PLXNB1: variants seen among roughly 807,000 people sequenced by gnomAD.
The protein encoded by PLXNB1 is plexin-B1.
Under a neutral mutation model 209.4 loss-of-function variants are expected in PLXNB1, and 106 were observed. The ratio of observed to expected loss-of-function variants is 0.51; its 90% CI spans 0.43 to 0.59. The LOEUF is 0.59. Ranked by LOEUF, PLXNB1 falls within the 20% of genes least tolerant of loss-of-function variation. The pLI is 0.00. For missense variants in PLXNB1, 2,357 were observed against 2,853.2 expected (o/e 0.83, Z 3.96); for synonymous variants, 1,167 against 1,183.2 (o/e 0.99, Z 0.28).
chr3:48,404,123 CT>C lies in PLXNB1; in HGVS notation c.*362del. The C allele has an allele frequency of 4.8e-6, 1 of 207,902 alleles. No individual in the cohort carries two copies. The allele number at this position is 207,902 out of a possible 1,614,324, so 12.9% of individuals were successfully genotyped here. ...AGACAGGAAGCATGGGGCTCTCCTC[CT>C]TCCTCTCCGAATCCCAGTGTGGCCA... On this transcript the variant is annotated 3_prime_UTR_variant, in exon 38 of 38. Transcript: ENST00000296440.
intron 9 of PLXNB1, 29 bp from the exon 10 acceptor site, chr3:48,420,802 G>A (rs758517981): frequency 8.7e-6 from 14 of 1,612,424 alleles, no homozygotes; most frequent in African/African-American, 1.3e-5. Flanking sequence ...TGGGGCAAGG[G>A]TCGCCACAGG....
Position 48,410,116 on chromosome 3 carries a change from G to T in PLXNB1, c.5606-39C>A, listed in dbSNP as rs1313405150. ...CCACAGCTGTCACCCCTCCCCAGGT[G>T]CCACCTCCCCAGGCCCCCTGTTTCT... is the stretch of plus-strand genomic sequence containing the variant. On this transcript the variant is annotated intron_variant, in intron 31 of 37. Coordinates refer to ENST00000296440, the MANE Select transcript of PLXNB1 (RefSeq NM_001130082.3). This position sits in a 1 kb window ranked among gnomAD's most constrained non-coding sequence, Gnocchi z 6.4. The T allele has an allele frequency of 2.6e-6, 4 of 1,541,940 alleles. No homozygotes were observed. In the South Asian group the frequency reaches 4.9e-5, roughly 19 times the overall value.
At position 48,412,807 on chromosome 3, in the gene PLXNB1, G is replaced by C; in HGVS notation, c.4789C>G (p.Pro1597Ala). 6.2e-6 allele frequency: 10 copies of C among 1,613,642 alleles called. No individual in the cohort carries two copies. Among genetic ancestry groups the C allele is most frequent in the Non-Finnish European group, 7.6e-6 (9 of 1,180,024 alleles). The change falls in exon 25 of 38, where the codon CCC becomes GCC. Residue 1597 changes from proline to alanine, a missense_variant. Coordinates refer to ENST00000296440, the MANE Select transcript of PLXNB1 (RefSeq NM_001130082.3). ...RDLGVPESRR[P>A]TVEQGLGQLS... ...TGCCCCAGCCCTTGCTCCACAGTGGGCCGTCTGCTCTCAGGCACACCCAGG... is the reference window on the plus strand; with the variant it reads ...TGCCCCAGCCCTTGCTCCACAGTGGCCCGTCTGCTCTCAGGCACACCCAGG...
rs1434412512 is a variant in PLXNB1, at chr3:48,423,933, T to C, written c.679A>G (p.Ser227Gly). The C allele has an allele frequency of 2.5e-6, 4 of 1,614,128 alleles. No homozygotes were observed. The highest frequency in any genetic ancestry group is 2.5e-6 in the Non-Finnish European group (3 of 1,180,022). Reference sequence around the variant, plus strand: ...CGCCGCAGGAACAGGAAGTAGGCGCTGGCCCCACGTGCAAAGGCACTCACG... The same window carrying C: ...CGCCGCAGGAACAGGAAGTAGGCGCCGGCCCCACGTGCAAAGGCACTCACG... Reference protein sequence around the residue: ...HFVSAFARGASAYFLFLRRDL... With the variant: ...HFVSAFARGAGAYFLFLRRDL... Residue 227 changes from serine (S) to glycine (G), a missense_variant, in exon 3 of 38, where the codon AGC becomes GGC. By Grantham distance (56) the Ser-to-Gly change is moderately conservative. Transcript: ENST00000296440.
Position 48,415,339 on chromosome 3 carries a change from C to T in PLXNB1, c.3803G>A (p.Arg1268His), listed in dbSNP as rs1417151654. Residue 1268 changes from arginine to histidine, a missense_variant, in exon 20 of 38, where the codon CGT (arginine) becomes CAT (histidine). Arg to His is a conservative substitution (Grantham distance 29, BLOSUM62 0). Transcript: ENST00000296440. The surrounding 1 kb of genome is among the most constrained non-coding windows in gnomAD (Gnocchi z 5.0). ...GPTKSFLSGG[R>H]EICVRGQNLD... is the part of the protein sequence containing the mutation. ...ATTCTGGCCACGGACGCATATCTCA[C>T]GTCCTCCACTGAAACAGACCGTGAG... The T allele has an allele frequency of 6.2e-7, 1 of 1,613,274 alleles. No homozygotes were observed. Among genetic ancestry groups the T allele is most frequent in the Non-Finnish European group, 8.5e-7 (1 of 1,179,826 alleles).
In PLXNB1 at chr3:48,412,885, A is replaced by G; in HGVS notation, c.4711T>C (p.Tyr1571His). The G allele has an allele frequency of 6.2e-7, 1 of 1,613,950 alleles. No individual in the cohort carries two copies. Among genetic ancestry groups the G allele is most frequent in the Non-Finnish European group, 8.5e-7 (1 of 1,180,010 alleles). The change falls in exon 25 of 38, where the codon TAT (tyrosine) becomes CAT (histidine). Residue 1571 changes from tyrosine to histidine, a missense_variant. This residue lies in a region of PLXNB1 where 743 missense variants were observed against 896.2 expected (regional missense o/e 0.83). Transcript: ENST00000296440. ...CCAGGGAAGAAGATCCTCTCCGCAT[A>G]CACCTTGTAGTCGAGGAAGGGGATG... ...SGIPFLDYKV[Y>H]AERIFFPGHR...
Position 48,413,380 on chromosome 3 carries a change from C to T in PLXNB1, c.4536-211G>A, listed in dbSNP as rs1355700604. On this transcript the variant is annotated intron_variant, in intron 23 of 37. Coordinates refer to ENST00000296440, the MANE Select transcript of PLXNB1 (RefSeq NM_001130082.3). The surrounding 1 kb of genome is among the most constrained non-coding windows in gnomAD (Gnocchi z 5.4). The stretch of plus-strand genomic sequence containing the variant: ...CCCGTCTAGCCCAGCACAGTTTAGC[C>T]TAGAGATCAGCCAACCACAACCAGG... The T allele has an allele frequency of 6.6e-6, 4 of 607,540 alleles. No homozygotes were observed. In the African/African-American group the frequency reaches 7.4e-5, roughly 11 times the overall value. The allele number at this position is 607,540 out of a possible 1,614,324, so 37.6% of individuals were successfully genotyped here.
Position 48,422,104 on chromosome 3 carries a change from C to T in PLXNB1, c.1520+1G>A. ...GGCTGGGATGGGGTCAGAAATCTGA[C>T]CTGCCAAGGAGCACGCACCACCCAC... On this transcript the variant is annotated splice_donor_variant, in intron 6 of 37. Transcript: ENST00000296440. LOFTEE classifies it high-confidence loss of function. 6.2e-7 allele frequency: 1 copy of T among 1,613,122 alleles called. No homozygotes were observed. Among genetic ancestry groups the T allele is most frequent in the Non-Finnish European group, 8.5e-7 (1 of 1,179,166 alleles).
rs1485832007 is a variant in PLXNB1, at chr3:48,424,150, C to A, written c.462G>T (p.Gly154=). ...CCCCTGCCAAGCCCTGGGCTACCAG[C>A]CCCACCGTGCTGACCGCAGGATCAT... The part of the protein sequence containing the change: ...AANDPAVSTV[G]LVAQGLAGEP... Residue 154 remains glycine (G), a synonymous_variant, in exon 3 of 38, where the codon GGG becomes GGT. Coordinates refer to ENST00000296440, the MANE Select transcript of PLXNB1 (RefSeq NM_001130082.3). 2 of 1,567,436 alleles carry A rather than the reference C, an allele frequency of 1.3e-6. No individual in the cohort carries two copies. The highest frequency in any genetic ancestry group is 1.2e-5 in the South Asian group (1 of 85,004).
chr3:48,430,183 T>G (rs1360549737), upstream of PLXNB1: 1 of 152,366 alleles, frequency 6.6e-6, no homozygotes, highest in Non-Finnish European at 1.5e-5. Flanking sequence ...AACTAAACCA[T>G]GTAACCTGAC....
Position 48,412,372 on chromosome 3 carries a change from C to G in PLXNB1, c.5034-68G>C, listed in dbSNP as rs530674791. ...GCTGCGGGCCTCTCTATCCTGCAGA[C>G]CCCCCAGCCCGAGGCCCCACCCCAG... On this transcript the variant is annotated intron_variant, in intron 26 of 37. Transcript: ENST00000296440. 8 of 1,608,580 alleles carry G rather than the reference C, an allele frequency of 5.0e-6. No homozygotes were observed. In the Admixed American group the frequency reaches 8.3e-5, roughly 17 times the overall value.
At position 48,417,813 on chromosome 3, in the gene PLXNB1, G is replaced by A. The variant is rs1297807701; in HGVS notation, c.3374+98C>T. The A allele has an allele frequency of 1.5e-5, 19 of 1,272,816 alleles. No homozygotes were observed. The highest frequency in any genetic ancestry group is 1.0e-4 in the African/African-American group (7 of 67,702). 78.8% of individuals were successfully genotyped at this position (1,272,816 alleles called of 1,614,324 possible). A position where few individuals can be genotyped will look rare whatever the true frequency, so the allele number is the denominator to read the frequency against. On this transcript the variant is annotated intron_variant, in intron 16 of 37. Transcript: ENST00000296440. This position sits in a 1 kb window ranked among gnomAD's most constrained non-coding sequence, Gnocchi z 4.4. ...GCCAGGATCAAGGAACAGGGAGAGA[G>A]GGGGGCAGATGAGCGGTGGGTGGGA...
rs1415521174 is a variant in PLXNB1, at chr3:48,423,541, C to T, written c.1071G>A (p.Glu357=). Residue 357 remains glutamate, a synonymous_variant, in exon 3 of 38, where the codon GAG becomes GAA. Coordinates refer to ENST00000296440, the MANE Select transcript of PLXNB1 (RefSeq NM_001130082.3). ...GTGCACAGTCAGAATTGACATCATA[C>T]TCGATGTAGGCCACCTCGGTCCCAT... ...AEDGTEVAYI[E]YDVNSDCAQL... is the part of the protein sequence containing the mutation. The T allele has an allele frequency of 6.2e-7, 1 of 1,614,052 alleles. No homozygotes were observed. The highest frequency in any genetic ancestry group is 8.5e-7 in the Non-Finnish European group (1 of 1,180,008).
intron 34 of PLXNB1, 45 bp from the exon 35 acceptor site, chr3:48,407,136 G>A (rs183943881): frequency 2.0e-5 from 31 of 1,556,280 alleles, no homozygotes; most frequent in Middle Eastern, 1.7e-4. Context: ...AAGGAAGGAT[G>A]AGGGTCCCTG....
Position 48,423,974 on chromosome 3 carries a change from T to C in PLXNB1, c.638A>G (p.Glu213Gly). Reference protein sequence around the residue: ...TAKLAVGRLSEYSHHFVSAFA... With the variant: ...TAKLAVGRLSGYSHHFVSAFA... ...GGCACTCACGAAGTGGTGGCTGTAC[T>C]CGGAGAGGCGGCCCACTGCCAGCTT... Residue 213 changes from glutamate (E) to glycine (G), a missense_variant, in exon 3 of 38, where the codon GAG becomes GGG. Physicochemically the swap from Glu to Gly is moderately conservative, Grantham distance 98. This residue lies in a region of PLXNB1 where 404 missense variants were observed against 443.6 expected (regional missense o/e 0.91). Coordinates refer to ENST00000296440, the MANE Select transcript of PLXNB1 (RefSeq NM_001130082.3). 1.2e-6 allele frequency: 2 copies of C among 1,613,748 alleles called. No individual in the cohort carries two copies. The highest frequency in any genetic ancestry group is 1.7e-6 in the Non-Finnish European group (2 of 1,179,910).
At position 48,411,848 on chromosome 3, in the gene PLXNB1, C is replaced by G. The variant is rs768570010; in HGVS notation, c.5247+15G>C. 1.1e-5 allele frequency: 17 copies of G among 1,612,982 alleles called. No homozygotes were observed. Among genetic ancestry groups the G allele is most frequent in the Non-Finnish European group, 1.4e-5 (17 of 1,179,492 alleles). On this transcript the variant is annotated intron_variant, in intron 28 of 37. Coordinates refer to ENST00000296440, the MANE Select transcript of PLXNB1 (RefSeq NM_001130082.3). This position sits in a 1 kb window ranked among gnomAD's most constrained non-coding sequence, Gnocchi z 4.0. ...CCGCACTCAGACTGCAGGCCACACACTTGCACACCCTCACCAGGGGACGGT... is the reference window on the plus strand; with the variant it reads ...CCGCACTCAGACTGCAGGCCACACAGTTGCACACCCTCACCAGGGGACGGT...
Position 48,421,815 on chromosome 3 carries a change from G to C in PLXNB1, c.1521-9C>G, listed in dbSNP as rs777317296. On this transcript the variant is annotated splice_polypyrimidine_tract_variant and intron_variant, in intron 6 of 37. Transcript: ENST00000296440. Reference sequence around the variant, plus strand: ...CAGAACGGCGACTGCACCTGGGCGAGATGACCAGTGTCTATCTGTGACCCT... The same window carrying C: ...CAGAACGGCGACTGCACCTGGGCGACATGACCAGTGTCTATCTGTGACCCT... 6.3e-7 allele frequency: 1 copy of C among 1,594,224 alleles called. No homozygotes were observed. Among genetic ancestry groups the C allele is most frequent in the South Asian group, 1.1e-5 (1 of 90,484 alleles).
At position 48,419,066 on chromosome 3, in the gene PLXNB1, G is replaced by A; in HGVS notation, c.2833-27C>T. On this transcript the variant is annotated intron_variant, in intron 12 of 37. Coordinates refer to ENST00000296440, the MANE Select transcript of PLXNB1 (RefSeq NM_001130082.3). The surrounding 1 kb of genome is among the most constrained non-coding windows in gnomAD (Gnocchi z 5.7). Reference sequence around the variant, plus strand: ...TGAGGGCAGAGAACACAGCTGTTGGGCAGCTTCAGGAGCTGGGCCCAGGGA... The same window carrying A: ...TGAGGGCAGAGAACACAGCTGTTGGACAGCTTCAGGAGCTGGGCCCAGGGA... The A allele has an allele frequency of 1.9e-6, 3 of 1,610,894 alleles. No individual in the cohort carries two copies. The highest frequency in any genetic ancestry group is 1.7e-4 in the Middle Eastern group (1 of 6,052).
chr3:48,415,016 G>A lies in PLXNB1; in HGVS notation c.3992C>T (p.Ser1331Phe). The change falls in exon 21 of 38, where the codon TCC (serine) becomes TTC (phenylalanine). Residue 1331 changes from serine (S) to phenylalanine (F), a missense_variant. Coordinates refer to ENST00000296440, the MANE Select transcript of PLXNB1 (RefSeq NM_001130082.3). This position sits in a 1 kb window ranked among gnomAD's most constrained non-coding sequence, Gnocchi z 5.0. Reference sequence around the variant, plus strand: ...TGTGCGGCACGTGATGAGCTGGGAGGAGTTGACATGGCACGGCTCCTCAAA... The same window carrying A: ...TGTGCGGCACGTGATGAGCTGGGAGAAGTTGACATGGCACGGCTCCTCAAA... Reference protein sequence around the residue: ...QQFEEPCHVNSSQLITCRTPA... With the variant: ...QQFEEPCHVNFSQLITCRTPA... 6.2e-7 allele frequency: 1 copy of A among 1,613,454 alleles called. No homozygotes were observed. Among genetic ancestry groups the A allele is most frequent in the Non-Finnish European group, 8.5e-7 (1 of 1,179,966 alleles).
Sources: allele counts gnomAD v4.1 joint callset, GRCh38; gene constraint gnomAD v4.1.1; regional missense constraint gnomAD v4.1.1; non-coding constraint Gnocchi (gnomAD v3.1); transcripts MANE v1.5; gene names NCBI Gene and HGNC (gene_info 2026-07-23, HGNC 2026-07-21).